Variants in ANK3 observed in about 807,000 individuals in gnomAD.
The protein encoded by ANK3 is ankyrin-3.
ANK3 carries 57 observed loss-of-function variants against 370.9 expected under a neutral mutation model. The ratio of observed to expected loss-of-function variants is 0.15; its 90% CI spans 0.12 to 0.19. ANK3 has a LOEUF of 0.19. Among genes scored for constraint, ANK3 ranks in the 10% least tolerant of loss-of-function variants. ANK3 has a pLI of 1.00. For synonymous variants in ANK3, 1,929 were observed against 1,946.3 expected, an observed-to-expected ratio of 0.99 and a Z score of 0.23; for missense variants, 4,439 against 5,302.1, an observed-to-expected ratio of 0.84 and a Z score of 5.06.
chr10:60,376,534 G>C (rs565227902), intron 1 of ANK3, among the ~76,000 whole-genome samples: 24 of 152,298 alleles, frequency 1.6e-4, no homozygotes, highest in African/African-American at 5.3e-4. Flanking sequence ...TGAAGACAAG[G>C]CTCTTCCATG....
At chr10:60,147,304 TC>T (rs2094877644) in intron 23 of ANK3, among the ~76,000 whole-genome samples, 1 of 152,156 alleles carries the variant, frequency 6.6e-6, no homozygotes, top group Non-Finnish European at 1.5e-5. Flanking sequence ...AGTCCCGTGC[TC>T]AAGGTATACA....
intron 1 of ANK3, among the ~76,000 whole-genome samples, chr10:60,726,253 G>A (rs1041554683): frequency 1.3e-5 from 2 of 152,074 alleles, no homozygotes; most frequent in East Asian, 1.9e-4. Flanking sequence ...GCCAAGTCAA[G>A]CAATTAAATT....
chr10:60,072,693 T>G lies in ANK3; in HGVS notation c.8188A>C (p.Ser2730Arg), dbSNP rs1319805106. Residue 2730 changes from serine to arginine, a missense_variant, in exon 37 of 44, where the codon AGT (serine) becomes CGT (arginine). By Grantham distance (110) the Ser-to-Arg change is moderately radical. Around this residue, in one of 13 missense-constraint regions of ANK3, gnomAD observed 1,601 missense variants for 1,731.7 expected, o/e 0.92. Transcript: ENST00000280772. ...CTGTCTTCTTGAGACATGTCCTTAC[T>G]TTTTGCGTGTGTGCCTTGTTCAAAT... The part of the protein sequence containing the change: ...LKFEQGTHAK[S>R]KDMSQEDRKS... 16 of 1,613,958 alleles carry G rather than the reference T, an allele frequency of 9.9e-6. No homozygotes were observed. Among genetic ancestry groups the G allele is most frequent in the South Asian group, 6.6e-5 (6 of 91,056 alleles).
chr10:60,397,304 T>A (rs1421873236), intron 2 of ANK3, among the ~76,000 whole-genome samples: 1 of 152,006 alleles, frequency 6.6e-6, no homozygotes, highest in African/African-American at 2.4e-5. Context: ...TTGTGGAACA[T>A]ATCCACCATG....
chr10:60,523,639 T>C (rs1012899039), intron 2 of ANK3, among the ~76,000 whole-genome samples: 2 of 151,844 alleles, frequency 1.3e-5, no homozygotes, highest in Non-Finnish European at 2.9e-5. Flanking sequence ...TCCAGTCTAT[T>C]GTTGTTGGAC....
chr10:60,256,472 A>C (rs2097737272), intron 7 of ANK3, among the ~76,000 whole-genome samples: 2 of 152,260 alleles, frequency 1.3e-5, no homozygotes, highest in African/African-American at 4.8e-5. Flanking sequence ...TGGACAGAAC[A>C]TAATTCTTTT....
chr10:60,381,786 C>A (rs78719048), intron 1 of ANK3, among the ~76,000 whole-genome samples: 2,009 of 152,112 alleles, frequency 0.013, 35 homozygotes, highest in African/African-American at 0.046. Context: ...AAAATAGTAT[C>A]CCTATTTGAT....
intron 30 of ANK3, among the ~76,000 whole-genome samples, chr10:60,085,589 T>C (rs1259135479): frequency 6.6e-6 from 1 of 151,508 alleles, no homozygotes; most frequent in Non-Finnish European, 1.5e-5. Flanking sequence ...TTGTTTCAGA[T>C]GGATAATTAA....
chr10:60,307,011 G>C (rs1196755459), intron 1 of ANK3, among the ~76,000 whole-genome samples: 1 of 152,184 alleles, frequency 6.6e-6, no homozygotes, highest in Non-Finnish European at 1.5e-5. Flanking sequence ...ATTTAGGCAT[G>C]AGCCACTATG....
chr10:60,080,627 GAAA>G lies in ANK3; in HGVS notation c.4351-12_4351-10del. On this transcript the variant is annotated splice_polypyrimidine_tract_variant and intron_variant, in intron 35 of 43. Coordinates refer to ENST00000280772, the MANE Select transcript of ANK3 (RefSeq NM_020987.5). ...CTATCTGTTTTCTCAATCTGAAAAG[GAAA>G]AAAAAAAAGACAACTCTATTTCCAA... is the stretch of plus-strand genomic sequence containing the variant. 7 of 1,211,148 alleles carry G rather than the reference GAAA, an allele frequency of 5.8e-6. No individual in the cohort carries two copies. The highest frequency in any genetic ancestry group is 3.2e-5 in the South Asian group (2 of 62,722). The allele number at this position is 1,211,148 out of a possible 1,614,324, so 75.0% of individuals were successfully genotyped here.
intron 1 of ANK3, chr10:60,300,437 G>C: frequency 7.8e-7 from 1 of 1,288,532 alleles, no homozygotes; most frequent in South Asian, 1.2e-5. Context: ...ATCTGCCTTC[G>C]GAAATGTAAA....
chr10:60,146,168 T>C, intron 23 of ANK3: 3 of 1,172,848 alleles, frequency 2.6e-6, no homozygotes, highest in Non-Finnish European at 3.5e-6. Context: ...GATGTGTTTG[T>C]GTACCAGTGG....
chr10:60,461,781 A>G (rs574649873), intron 2 of ANK3, among the ~76,000 whole-genome samples: 1 of 152,350 alleles, frequency 6.6e-6, no homozygotes, highest in East Asian at 1.9e-4. Context: ...GCAATCAAAT[A>G]TAAATTCACA....
At position 60,434,706 on chromosome 10, in the gene ANK3, G is replaced by C. The variant is rs150013393; in HGVS notation, c.97-155067C>G. Among the ~76,000 whole-genome samples the C allele has an allele frequency of 2.4e-3, 358 of 152,300 alleles. 1 individual carries two copies. The highest frequency in any genetic ancestry group is 8.1e-3 in the African/African-American group (336 of 41,578). ...CTATGCTCCCAATCTGCATCCCAGA[G>C]TACGACTAGATCTTTTTATTATTTA... is the stretch of plus-strand genomic sequence containing the variant. On this transcript the variant is annotated intron_variant, in intron 2 of 43. Coordinates refer to the ANK3 transcript ENST00000373827.
At chr10:60,146,584 GT>G (rs1224169046) in intron 23 of ANK3, among the ~76,000 whole-genome samples, 1 of 152,158 alleles carries the variant, frequency 6.6e-6, no homozygotes, top group Non-Finnish European at 1.5e-5. Flanking sequence ...TGCCTACTGG[GT>G]TCAAGTGATT....
At chr10:60,118,273 A>G (rs2093242913) in intron 25 of ANK3, among the ~76,000 whole-genome samples, 1 of 152,238 alleles carries the variant, frequency 6.6e-6, no homozygotes, top group Non-Finnish European at 1.5e-5. Context: ...AATTACACAG[A>G]TTTTTAAAAA....
intron 1 of ANK3, among the ~76,000 whole-genome samples, chr10:60,281,944 A>C (rs1441456951): frequency 6.6e-6 from 1 of 152,240 alleles, no homozygotes; most frequent in Non-Finnish European, 1.5e-5. Context: ...AGGACAAATA[A>C]AAGTTTCCAG....
chr10:60,362,168 A>G (rs1308560977), intron 1 of ANK3, among the ~76,000 whole-genome samples: 5 of 152,196 alleles, frequency 3.3e-5, no homozygotes, highest in Admixed American at 6.5e-5. Flanking sequence ...TCCATTATCC[A>G]TTTAACCTAA....
chr10:60,114,341 A>G lies in ANK3; in HGVS notation c.2842-10T>C. On this transcript the variant is annotated splice_polypyrimidine_tract_variant and intron_variant, in intron 25 of 43. Transcript: ENST00000280772. The stretch of plus-strand genomic sequence containing the variant: ...TTGTGAATGTTAGATGCTGAAAAAT[A>G]AAATGGTAAATTAAATTACATCAAC... The G allele has an allele frequency of 6.6e-7, 1 of 1,509,408 alleles. No homozygotes were observed. The highest frequency in any genetic ancestry group is 9.1e-7 in the Non-Finnish European group (1 of 1,093,196). The allele number at this position is 1,509,408 out of a possible 1,614,324, so 93.5% of individuals were successfully genotyped here.
Sources: allele counts gnomAD v4.1 joint callset (sites outside exome capture counted in the v4.1 genomes callset), GRCh38; gene constraint gnomAD v4.1.1; regional missense constraint gnomAD v4.1.1; transcripts MANE v1.5; gene names NCBI Gene and HGNC (gene_info 2026-07-23, HGNC 2026-07-21).